The following MTOR variants were observed in gnomAD, a reference collection of about 807,000 sequenced individuals.
The protein encoded by MTOR is mechanistic target of rapamycin kinase, also known as serine/threonine-protein kinase mTOR.
MTOR carries 70 observed loss-of-function variants against 319.8 expected under a neutral mutation model. The ratio of observed to expected loss-of-function variants is 0.22; its 90% CI spans 0.18 to 0.27. The LOEUF (loss-of-function observed/expected upper bound fraction) is 0.27. MTOR is among the 10% of genes least tolerant of loss of function. MTOR has a pLI of 1.00. For missense variants in MTOR, 1,890 were observed against 3,274.4 expected, an observed-to-expected ratio of 0.58 and a Z score of 10.32; for synonymous variants, 1,183 against 1,211.4, an observed-to-expected ratio of 0.98 and a Z score of 0.49.
chr1:11,215,307 T>C (rs1646433860), intron 20 of MTOR, among the ~76,000 whole-genome samples: 1 of 152,208 alleles, frequency 6.6e-6, no homozygotes, highest in Non-Finnish European at 1.5e-5. Flanking sequence ...GTACAGAGGC[T>C]TCTGTGGTAA....
At chr1:11,172,697 C>T (rs968153262) in intron 28 of MTOR, among the ~76,000 whole-genome samples, 7 of 151,902 alleles carry the variant, frequency 4.6e-5, no homozygotes, top group Non-Finnish European at 1.0e-4. Flanking sequence ...GGTGAAACCC[C>T]ATCTCTACTA....
intron 47 of MTOR, 134 bp from the exon 48 acceptor site, chr1:11,122,260 G>A: frequency 1.8e-6 from 2 of 1,099,008 alleles, no homozygotes; most frequent in Non-Finnish European, 2.5e-6. Flanking sequence ...CTGGAGTGCA[G>A]TGGCACAATC....
At chr1:11,187,984 A>C (rs1174211072) in intron 28 of MTOR, among the ~76,000 whole-genome samples, 1 of 132,308 alleles carries the variant, frequency 7.6e-6, no homozygotes, top group Non-Finnish European at 1.5e-5. Flanking sequence ...GATTCTGAGA[A>C]AAAAAAAAAT....
At chr1:11,131,668 ACT>A (rs1193964468) in intron 38 of MTOR, 2 of 151,744 alleles carry the variant, frequency 1.3e-5, no homozygotes, top group Non-Finnish European at 2.9e-5. Flanking sequence ...AAGGAATACT[ACT>A]CTCTCTGGGG....
chr1:11,237,697 T>C, intron 13 of MTOR, 146 bp downstream of exon 13: 1 of 804,444 alleles, frequency 1.2e-6, no homozygotes, highest in East Asian at 2.7e-5. Context: ...CAGGGAAACA[T>C]TTGGACCTTT....
chr1:11,163,997 T>C (rs1298201657), intron 29 of MTOR, among the ~76,000 whole-genome samples: 1 of 152,110 alleles, frequency 6.6e-6, no homozygotes, highest in Admixed American at 6.5e-5. Flanking sequence ...ATCCAGGAGC[T>C]GGTTTTTTGA....
At chr1:11,194,993 G>T (rs753562805) in intron 28 of MTOR, 6 of 1,613,982 alleles carry the variant, frequency 3.7e-6, no homozygotes, top group Non-Finnish European at 4.2e-6. Flanking sequence ...GGGTGGAGAT[G>T]AAAATCCGCC....
At chr1:11,136,915 C>T (rs1643449918) in intron 36 of MTOR, among the ~76,000 whole-genome samples, 1 of 150,436 alleles carries the variant, frequency 6.6e-6, no homozygotes, top group African/African-American at 2.4e-5. Flanking sequence ...GATCTTGGCT[C>T]ACTGCAACCT....
In MTOR at chr1:11,146,412, C is replaced by T. The variant is rs145304523; in HGVS notation, c.4686+264G>A. On this transcript the variant is annotated intron_variant, in intron 32 of 57. Coordinates refer to ENST00000361445, the MANE Select transcript of MTOR (RefSeq NM_004958.4). ...CAGCTTCTCTCTACAACAAGGGATACAATGATGACCCAACAAGCTAACTCC... is the reference window on the plus strand; with the variant it reads ...CAGCTTCTCTCTACAACAAGGGATATAATGATGACCCAACAAGCTAACTCC... Among the ~76,000 whole-genome samples, 130 of 152,278 alleles carry T rather than the reference C, an allele frequency of 8.5e-4. No homozygotes were observed. In the Middle Eastern group the frequency reaches 0.027, roughly 32 times the overall value.
Position 11,106,912 on chromosome 1 carries a change from G to A in MTOR, c.*573C>T. 1 of 1,367,980 alleles carries A rather than the reference G, an allele frequency of 7.3e-7. No individual in the cohort carries two copies. The highest frequency in any genetic ancestry group is 9.6e-7 in the Non-Finnish European group (1 of 1,037,740). 84.7% of individuals were successfully genotyped at this position (1,367,980 alleles called of 1,614,324 possible). A position where few individuals can be genotyped will look rare whatever the true frequency, so the allele number is the denominator to read the frequency against. ...AAGCGTGTGAGTCGCAGCATCACTGGGTCTGATGGAAGACAGACCTTTTGT... is the reference window on the plus strand; with the variant it reads ...AAGCGTGTGAGTCGCAGCATCACTGAGTCTGATGGAAGACAGACCTTTTGT... On this transcript the variant is annotated 3_prime_UTR_variant, in exon 58 of 58. Transcript: ENST00000361445.
At chr1:11,156,689 T>C (rs1644328678) in intron 30 of MTOR, among the ~76,000 whole-genome samples, 1 of 152,182 alleles carries the variant, frequency 6.6e-6, no homozygotes, top group African/African-American at 2.4e-5. Context: ...AGGCCTGTTT[T>C]CTTGTGTATT....
chr1:11,180,663 G>T (rs1475311688), intron 28 of MTOR, among the ~76,000 whole-genome samples: 1 of 152,188 alleles, frequency 6.6e-6, no homozygotes, highest in Non-Finnish European at 1.5e-5. Context: ...CTCTAGCTAA[G>T]GGTGATTTAC....
intron 30 of MTOR, chr1:11,152,592 G>C (rs1644185590): frequency 6.6e-6 from 1 of 152,024 alleles, no homozygotes; most frequent in Non-Finnish European, 1.5e-5. Context: ...TGCAGGCGTG[G>C]CTGCCTGCAC....
intron 28 of MTOR, among the ~76,000 whole-genome samples, chr1:11,177,032 C>G (rs1423647898): frequency 6.6e-6 from 1 of 152,038 alleles, no homozygotes; most frequent in Non-Finnish European, 1.5e-5. Context: ...GGAATGCAGA[C>G]AGGAGGGGAA....
At chr1:11,242,548 C>T (rs1471057739) in intron 9 of MTOR, among the ~76,000 whole-genome samples, 1 of 137,074 alleles carries the variant, frequency 7.3e-6, no homozygotes, top group East Asian at 2.4e-4. Flanking sequence ...CGTATTAATT[C>T]ACCACAGCAA....
intron 1 of MTOR, among the ~76,000 whole-genome samples, chr1:11,260,775 C>T (rs1334323903): frequency 2.0e-5 from 3 of 149,828 alleles, no homozygotes; most frequent in Non-Finnish European, 4.4e-5. Context: ...ACAACAATGT[C>T]AATTTGGACT....
At chr1:11,188,603 G>A (rs1446174475) in intron 28 of MTOR, among the ~76,000 whole-genome samples, 2 of 152,194 alleles carry the variant, frequency 1.3e-5, no homozygotes, top group Non-Finnish European at 2.9e-5. Flanking sequence ...GCACTGCTGA[G>A]TTTTCATCTC....
intron 29 of MTOR, among the ~76,000 whole-genome samples, chr1:11,160,999 C>T (rs577199740): frequency 3.9e-5 from 6 of 152,246 alleles, no homozygotes; most frequent in South Asian, 2.1e-4. Flanking sequence ...CACCTCACCC[C>T]GGAAGCACAA....
rs566524023 is a variant in MTOR at position 11,247,460 on chromosome 1, G to T, written c.1225+165C>A. On this transcript the variant is annotated intron_variant, in intron 8 of 57. Transcript: ENST00000361445. ...GATTGTTCCTGTGTCTGCTGCCTCT[G>T]ACATTAGAAAACCTGAACTAAATAG... Among the ~76,000 whole-genome samples, 3 of 152,312 alleles carry T rather than the reference G, an allele frequency of 2.0e-5. No homozygotes were observed. The East Asian group carries it at 5.8e-4, about 29-fold the overall frequency.
Sources: gnomAD v4.1 joint callset for allele counts (sites outside exome capture counted in the v4.1 genomes callset) on GRCh38, gnomAD v4.1.1 for gene constraint, MANE v1.5 for transcripts, NCBI Gene and HGNC (gene_info 2026-07-23, HGNC 2026-07-21) for gene names.